The following TAFA1 variants were observed in gnomAD, a reference collection of about 807,000 sequenced individuals.
The protein encoded by TAFA1 is TAFA chemokine like family member 1.
In TAFA1, 4 loss-of-function variants were observed where a neutral mutation model predicts 18.5. That is an observed-to-expected ratio of 0.22 (90% CI 0.11 to 0.49). The LOEUF (loss-of-function observed/expected upper bound fraction) is 0.49, where lower values mean the gene tolerates loss of function less well. Ranked by LOEUF, TAFA1 falls within the 20% of genes least tolerant of loss-of-function variation. The pLI is 0.98. For missense variants in TAFA1, 147 were observed against 169.0 expected, an observed-to-expected ratio of 0.87 and a Z score of 0.72; for synonymous variants, 56 against 55.2, an observed-to-expected ratio of 1.01 and a Z score of -0.06.
chr3:68,021,568 A>G (rs1446704950), intron 2 of TAFA1, among the ~76,000 whole-genome samples: 2 of 152,172 alleles, frequency 1.3e-5, no homozygotes, highest in African/African-American at 2.4e-5. Context: ...CCAAGGTATC[A>G]TATGTGTGTT....
intron 2 of TAFA1, among the ~76,000 whole-genome samples, chr3:68,109,444 T>C (rs1464041821): frequency 6.6e-6 from 1 of 152,180 alleles, no homozygotes; most frequent in Non-Finnish European, 1.5e-5. Context: ...AAAAAAATAT[T>C]TTCAGATTAT....
Position 68,390,180 on chromosome 3 carries a change from C to T in TAFA1, c.119-27100C>T, listed in dbSNP as rs114074220. 8.2e-3 allele frequency among the ~76,000 whole-genome samples: 1,251 copies of T among 152,204 alleles called. 15 individuals are homozygous for T. Among genetic ancestry groups the T allele is most frequent in the African/African-American group, 0.028 (1,169 of 41,532 alleles). The stretch of plus-strand genomic sequence containing the variant: ...CAAGCTTGGTGGGGGAAGGGGCGTC[C>T]GCCATTACTGAGGCTTGAGTACAGG... On this transcript the variant is annotated intron_variant, in intron 2 of 4. Transcript: ENST00000478136.
intron 2 of TAFA1, among the ~76,000 whole-genome samples, chr3:68,387,336 A>C (rs1353449238): frequency 6.6e-6 from 1 of 152,148 alleles, no homozygotes; most frequent in East Asian, 1.9e-4. Context: ...ACACTAAGGA[A>C]GAGATTATTG....
intron 2 of TAFA1, among the ~76,000 whole-genome samples, chr3:68,249,354 T>C (rs1251920030): frequency 6.6e-6 from 1 of 152,140 alleles, no homozygotes; most frequent in Non-Finnish European, 1.5e-5. Context: ...CTCCACTAGC[T>C]CAGCAATTCT....
chr3:68,451,314 A>G (rs11918848), intron 3 of TAFA1, among the ~76,000 whole-genome samples: 16,574 of 152,216 alleles, frequency 0.11, 1,714 homozygotes, highest in East Asian at 0.3. Context: ...CTGTTAAATG[A>G]ATGCATCAGA....
At chr3:68,030,328 G>A (rs1398265595) in intron 2 of TAFA1, among the ~76,000 whole-genome samples, 7 of 151,530 alleles carry the variant, frequency 4.6e-5, no homozygotes, top group African/African-American at 7.3e-5. Flanking sequence ...TGTTACATAA[G>A]TATATATATA....
At chr3:68,331,443 T>G (rs2068868196) in intron 2 of TAFA1, among the ~76,000 whole-genome samples, 1 of 152,214 alleles carries the variant, frequency 6.6e-6, no homozygotes, top group Non-Finnish European at 1.5e-5. Context: ...ATTGTATAGT[T>G]CAGGCATATA....
intron 3 of TAFA1, among the ~76,000 whole-genome samples, chr3:68,479,241 A>AAAAAAAAAT (rs1353493315): frequency 5.7e-4 from 70 of 123,660 alleles, no homozygotes; most frequent in African/African-American, 2.2e-3. Context: ...AAAAAAAAAA[A>AAAAAAAAAT]ATATATATAT....
At chr3:68,104,359 G>T (rs1331479134) in intron 2 of TAFA1, among the ~76,000 whole-genome samples, 1 of 151,522 alleles carries the variant, frequency 6.6e-6, no homozygotes, top group African/African-American at 2.4e-5. Context: ...TTTTAAATGT[G>T]GAAAATATAT....
chr3:68,384,371 G>C (rs262189), intron 2 of TAFA1, among the ~76,000 whole-genome samples: 95,779 of 151,888 alleles, frequency 0.63, 31,005 homozygotes, highest in East Asian at 1. Context: ...CATGTTGTAT[G>C]TTTGTTCTCA....
chr3:68,002,374 C>A (rs1165277039), upstream of TAFA1, among the ~76,000 whole-genome samples: 1 of 152,046 alleles, frequency 6.6e-6, no homozygotes, highest in South Asian at 2.1e-4. Context: ...ATTAGGTGGT[C>A]GATTAAATTG....
chr3:68,473,444 G>C (rs1341338414), intron 3 of TAFA1, among the ~76,000 whole-genome samples: 1 of 152,112 alleles, frequency 6.6e-6, no homozygotes, highest in Non-Finnish European at 1.5e-5. Context: ...TGCTACATGG[G>C]ATTCTTGTCT....
chr3:68,392,307 C>G (rs536089985), intron 2 of TAFA1, among the ~76,000 whole-genome samples: 1 of 151,866 alleles, frequency 6.6e-6, no homozygotes, highest in Non-Finnish European at 1.5e-5. Flanking sequence ...ACAAGAAGAG[C>G]TAACTATCCT....
At chr3:68,183,658 A>G (rs983945405) in intron 2 of TAFA1, among the ~76,000 whole-genome samples, 3 of 152,124 alleles carry the variant, frequency 2.0e-5, no homozygotes, top group Non-Finnish European at 2.9e-5. Context: ...TTGTTCATGC[A>G]TCACTTTTGA....
chr3:68,127,957 G>T (rs1180356767), intron 2 of TAFA1, among the ~76,000 whole-genome samples: 1 of 151,676 alleles, frequency 6.6e-6, no homozygotes, highest in African/African-American at 2.4e-5. Flanking sequence ...GATGCTAATG[G>T]AAGTGGTGAT....
At chr3:68,080,900 C>T (rs1303895649) in intron 2 of TAFA1, among the ~76,000 whole-genome samples, 3 of 152,142 alleles carry the variant, frequency 2.0e-5, no homozygotes, top group South Asian at 2.1e-4. Flanking sequence ...TAATATCCTG[C>T]AGAGTGTTTT....
intron 2 of TAFA1, among the ~76,000 whole-genome samples, chr3:68,236,638 G>T (rs900268571): frequency 6.6e-6 from 1 of 152,200 alleles, no homozygotes; most frequent in African/African-American, 2.4e-5. Context: ...TATTCCAATT[G>T]CAGTCTTTCA....
intron 3 of TAFA1, among the ~76,000 whole-genome samples, chr3:68,461,360 C>CATATATATAT (rs5849840): frequency 0.026 from 2,776 of 106,462 alleles, 148 homozygotes; most frequent in African/African-American, 0.079. Context: ...AATGAAAGTG[C>CATATATATAT]ATATATATAT....
intron 2 of TAFA1, among the ~76,000 whole-genome samples, chr3:68,086,341 T>G (rs2064969775): frequency 6.6e-6 from 1 of 152,232 alleles, no homozygotes; most frequent in Non-Finnish European, 1.5e-5. Context: ...TTAGGGCTTC[T>G]TGGAGATGCA....
Sources: gnomAD v4.1 joint callset for allele counts (sites outside exome capture counted in the v4.1 genomes callset) on GRCh38, gnomAD v4.1.1 for gene constraint, MANE v1.5 for transcripts, NCBI Gene and HGNC (gene_info 2026-07-23, HGNC 2026-07-21) for gene names.